PAK6: variants seen among roughly 807,000 people sequenced by gnomAD.
The protein encoded by PAK6 is p21 (RAC1) activated kinase 6, also known as serine/threonine-protein kinase PAK 6.
A neutral mutation model predicts 60.8 loss-of-function variants in PAK6; 33 were observed. That is an observed-to-expected ratio of 0.54 (90% confidence interval 0.41 to 0.73). The LOEUF is 0.73. Ranked by LOEUF, PAK6 falls within the 30% of genes least tolerant of loss-of-function variation. The pLI is 0.00. For synonymous variants in PAK6, 404 were observed against 378.5 expected, an observed-to-expected ratio of 1.07 and a Z score of -0.78; for missense variants, 845 against 904.1, an observed-to-expected ratio of 0.93 and a Z score of 0.84.
intron 3 of PAK6, chr15:40,263,974 G>A (rs2039051864): frequency 4.4e-6 from 2 of 455,928 alleles, no homozygotes; most frequent in Admixed American, 2.3e-5. Flanking sequence ...AGGGGAGGTG[G>A]TGCTCTCTGC....
chr15:40,255,050 A>G (rs185541352), intron 3 of PAK6, among the ~76,000 whole-genome samples: 57 of 152,266 alleles, frequency 3.7e-4, no homozygotes, highest in Admixed American at 7.2e-4. Flanking sequence ...AAAAAAGGCA[A>G]TCTTGTGATT....
chr15:40,248,663 C>T (rs2038565117), intron 2 of PAK6, among the ~76,000 whole-genome samples: 1 of 152,220 alleles, frequency 6.6e-6, no homozygotes, highest in Non-Finnish European at 1.5e-5. Flanking sequence ...CCCCTCTGCC[C>T]CTCACACCCA....
At chr15:40,267,728 G>A (rs1468809539) in intron 5 of PAK6, among the ~76,000 whole-genome samples, 1 of 152,226 alleles carries the variant, frequency 6.6e-6, no homozygotes, top group African/African-American at 2.4e-5. Flanking sequence ...AGGACAGTGG[G>A]TTGGGATCCC....
At chr15:40,254,692 G>A (rs1031047592) in intron 3 of PAK6, among the ~76,000 whole-genome samples, 3 of 152,370 alleles carry the variant, frequency 2.0e-5, no homozygotes, top group African/African-American at 7.2e-5. Context: ...TGAGCCTGGA[G>A]TTTGGAGTCG....
Position 40,273,703 on chromosome 15 carries a change from C to T in PAK6, c.1743+27C>T, listed in dbSNP as rs201318865. ...TAACCGTTCCCTCCACCCCCCAGACCTCCCAAAAGCAACTTGGCAACTGGC... is the reference window on the plus strand; with the variant it reads ...TAACCGTTCCCTCCACCCCCCAGACTTCCCAAAAGCAACTTGGCAACTGGC... On this transcript the variant is annotated intron_variant, in intron 9 of 10. Transcript: ENST00000560346. 7 of 1,606,030 alleles carry T rather than the reference C, an allele frequency of 4.4e-6. No homozygotes were observed. The African/African-American group carries it at 9.4e-5, about 22-fold the overall frequency.
At chr15:40,241,222 A>G (rs755155180) in intron 2 of PAK6, among the ~76,000 whole-genome samples, 2 of 152,178 alleles carry the variant, frequency 1.3e-5, no homozygotes, top group Non-Finnish European at 2.9e-5. Context: ...CTTTGGGGAC[A>G]TCGGGCCCAG....
chr15:40,243,226 A>T (rs555885882), intron 2 of PAK6, among the ~76,000 whole-genome samples: 74 of 152,352 alleles, frequency 4.9e-4, no homozygotes, highest in African/African-American at 1.5e-3. Context: ...AAACAAAGGA[A>T]GAAGCAGCTT....
chr15:40,273,435 T>C, exon 8 of PAK6: 1 of 1,613,900 alleles, frequency 6.2e-7, no homozygotes, highest in Admixed American at 1.7e-5. Flanking sequence ...CACCGGGACA[T>C]CAAGAGTGAC....
chr15:40,249,306 G>A (rs772218013), intron 2 of PAK6, among the ~76,000 whole-genome samples: 25 of 149,028 alleles, frequency 1.7e-4, no homozygotes, highest in Non-Finnish European at 2.8e-4. Flanking sequence ...GGTTTCAACA[G>A]ATGAATCTTG....
intron 3 of PAK6, among the ~76,000 whole-genome samples, chr15:40,257,283 C>T (rs1009729649): frequency 2.0e-5 from 3 of 152,254 alleles, no homozygotes; most frequent in African/African-American, 7.2e-5. Context: ...ACACAGCCAG[C>T]CCAACGCTGA....
chr15:40,269,756 T>TG (rs1307664644), intron 5 of PAK6, among the ~76,000 whole-genome samples: 1 of 152,170 alleles, frequency 6.6e-6, no homozygotes, highest in East Asian at 1.9e-4. Context: ...GGCTCCTGGC[T>TG]GGGCCATCCC....
At chr15:40,248,733 G>T (rs77390121) in intron 2 of PAK6, among the ~76,000 whole-genome samples, 3 of 151,596 alleles carry the variant, frequency 2.0e-5, no homozygotes, top group Non-Finnish European at 2.9e-5. Context: ...CCTCCTACCC[G>T]CACCCCAGCC....
intron 2 of PAK6, chr15:40,252,193 C>T (rs2038687851): frequency 9.5e-7 from 1 of 1,055,580 alleles, no homozygotes; most frequent in South Asian, 1.6e-5. Context: ...GGTGGGCACA[C>T]GCGGCCCGCT....
At chr15:40,267,453 C>T (rs1310064247) in intron 5 of PAK6, among the ~76,000 whole-genome samples, 2 of 152,140 alleles carry the variant, frequency 1.3e-5, no homozygotes, top group South Asian at 2.1e-4. Context: ...GTCAGGAGAT[C>T]GAGACCATCC....
chr15:40,271,938 G>A (rs913089761), intron 5 of PAK6, among the ~76,000 whole-genome samples: 5 of 152,188 alleles, frequency 3.3e-5, no homozygotes, highest in African/African-American at 7.2e-5. Flanking sequence ...CGCAGGACCC[G>A]GCGGGGAGCT....
chr15:40,240,681 G>A (rs566666956), exon 2 of PAK6: 13 of 445,130 alleles, frequency 2.9e-5, no homozygotes, highest in African/African-American at 1.0e-4. Flanking sequence ...GAGCAGCCAC[G>A]GTAAGGTCCC....
chr15:40,261,020 C>A (rs2038968550), intron 3 of PAK6, among the ~76,000 whole-genome samples: 1 of 151,752 alleles, frequency 6.6e-6, no homozygotes, highest in Non-Finnish European at 1.5e-5. Context: ...TCCTGAGTAG[C>A]TGGGACTACA....
intron 3 of PAK6, chr15:40,264,512 T>C (rs12902461): frequency 0.85 from 499,644 of 586,412 alleles, 214,503 homozygotes; most frequent in Admixed American, 0.92. Flanking sequence ...GCCTGCTCCA[T>C]AGGGGACTTG....
At position 40,253,922 on chromosome 15, in the gene PAK6, T is replaced by G. The variant is rs993431099; in HGVS notation, c.-6+633T>G. On this transcript the variant is annotated intron_variant, in intron 3 of 10. Transcript: ENST00000560346. ...GGCTTTTCTGACTTGTTTTTCTGGG[T>G]GAAGGGGGCAGAGGGGCTCAGGTCT... 2.6e-5 allele frequency among the ~76,000 whole-genome samples: 4 copies of G among 152,104 alleles called. No homozygotes were observed. In the East Asian group the frequency reaches 7.7e-4, roughly 29 times the overall value.
Sources: allele counts gnomAD v4.1 joint callset (sites outside exome capture counted in the v4.1 genomes callset), GRCh38; gene constraint gnomAD v4.1.1; transcripts MANE v1.5; gene names NCBI Gene and HGNC (gene_info 2026-07-23, HGNC 2026-07-21).